ARHGAP29: variants seen among roughly 807,000 people sequenced by gnomAD.
ARHGAP29 encodes rho GTPase-activating protein 29.
Under a neutral mutation model 122.6 loss-of-function variants are expected in ARHGAP29, and 43 were observed. The ratio of observed to expected loss-of-function variants is 0.35; its 90% confidence interval spans 0.27 to 0.45. ARHGAP29 has a LOEUF of 0.45. ARHGAP29 is among the 20% of genes least tolerant of loss of function. The probability of loss-of-function intolerance (pLI) is 1.00; values close to 1 mark genes in which losing one functional copy is unlikely to be tolerated. For synonymous variants in ARHGAP29, 506 were observed against 497.1 expected (o/e 1.02, Z -0.24); for missense variants, 1,303 against 1,477.2 (o/e 0.88, Z 1.93).
intron 2 of ARHGAP29, among the ~76,000 whole-genome samples, chr1:94,223,890 C>A (rs1652468359): frequency 6.6e-6 from 1 of 151,854 alleles, no homozygotes; most frequent in Non-Finnish European, 1.5e-5. Flanking sequence ...TCAGTGCAAC[C>A]TCTGCCTCCC....
rs775384802 is a variant in ARHGAP29, at chr1:94,184,423, T to C, written c.2110-135A>G. 11 of 728,836 alleles carry C rather than the reference T, an allele frequency of 1.5e-5. No homozygotes were observed. In the Admixed American group the frequency reaches 2.0e-4, roughly 13 times the overall value. The allele number at this position is 728,836 out of a possible 1,614,324, so 45.1% of individuals were successfully genotyped here. ...TATTATTATTTTAGAAAAAAACTAT[T>C]CAAGGCCAAATGAAGTAACATTTCC... is the stretch of plus-strand genomic sequence containing the variant. On this transcript the variant is annotated intron_variant, in intron 18 of 22. Coordinates refer to ENST00000260526, the MANE Select transcript of ARHGAP29 (RefSeq NM_004815.4).
chr1:94,223,637 A>G (rs1412630447), intron 2 of ARHGAP29, among the ~76,000 whole-genome samples: 1 of 152,120 alleles, frequency 6.6e-6, no homozygotes, highest in East Asian at 1.9e-4. Flanking sequence ...ATATGTATGT[A>G]TATAGCCAAA....
At chr1:94,271,498 C>T (rs193082865) in intron 1 of ARHGAP29, among the ~76,000 whole-genome samples, 51 of 152,174 alleles carry the variant, frequency 3.4e-4, no homozygotes, top group Admixed American at 9.8e-4. Context: ...TGTTTCTCCC[C>T]GTAAGAGAAG....
At chr1:94,232,263 G>GATT (rs3073818) in intron 1 of ARHGAP29, among the ~76,000 whole-genome samples, 134,200 of 151,920 alleles carry the variant, frequency 0.88, 59,487 homozygotes, top group Non-Finnish European at 0.92. Flanking sequence ...TATCTCATGA[G>GATT]ATTGTAGGGA....
At chr1:94,228,819 T>C (rs1303810518) in intron 2 of ARHGAP29, among the ~76,000 whole-genome samples, 1 of 151,830 alleles carries the variant, frequency 6.6e-6, no homozygotes, top group Non-Finnish European at 1.5e-5. Flanking sequence ...ATTAAACAAC[T>C]GCGGCAAAAG....
At chr1:94,270,988 G>C (rs1654967623) in intron 1 of ARHGAP29, among the ~76,000 whole-genome samples, 1 of 152,172 alleles carries the variant, frequency 6.6e-6, no homozygotes, top group Admixed American at 6.5e-5. Context: ...TCCAGGTGTG[G>C]CTTGGCTGGA....
chr1:94,259,988 C>T (rs1370976643), intron 1 of ARHGAP29, among the ~76,000 whole-genome samples: 1 of 152,152 alleles, frequency 6.6e-6, no homozygotes, highest in Non-Finnish European at 1.5e-5. Context: ...ATGCAAAAGT[C>T]TCTACGGAGT....
At position 94,174,172 on chromosome 1, in the gene ARHGAP29, T is replaced by C; in HGVS notation, c.3483A>G (p.Gln1161=). The change falls in exon 23 of 23, where the codon CAA becomes CAG. Residue 1161 remains glutamine (Q), a synonymous_variant. Transcript: ENST00000260526. The stretch of plus-strand genomic sequence containing the variant: ...GTGGTTTATAAAATGTTGTCCAATG[T>C]TGAGGCTGCAGTGTTCTGGGTGCTC... The part of the protein sequence containing the change: ...PVRAPRTLQP[Q]HWTTFYKPHA... 1 of 1,614,214 alleles carries C rather than the reference T, an allele frequency of 6.2e-7. No individual in the cohort carries two copies. Among genetic ancestry groups the C allele is most frequent in the Middle Eastern group, 1.6e-4 (1 of 6,062 alleles).
chr1:94,309,380 C>A, the ARHGAP29 span, among the ~76,000 whole-genome samples: 1 of 152,300 alleles, frequency 6.6e-6, no homozygotes, highest in African/African-American at 2.4e-5. Flanking sequence ...AACACAGCTG[C>A]CTCCTATCAA....
At chr1:94,265,522 A>G (rs1654736270) in intron 1 of ARHGAP29, among the ~76,000 whole-genome samples, 1 of 152,198 alleles carries the variant, frequency 6.6e-6, no homozygotes, top group Admixed American at 6.5e-5. Flanking sequence ...TACCTTGGGA[A>G]GGAAAGTGGA....
chr1:94,285,094 C>T, the ARHGAP29 span, among the ~76,000 whole-genome samples: 7 of 152,176 alleles, frequency 4.6e-5, no homozygotes, highest in Non-Finnish European at 1.0e-4. Flanking sequence ...AGTGAGGTGT[C>T]ATGGCTGATA....
chr1:94,193,898 C>T (rs1022639678), intron 12 of ARHGAP29: 2 of 152,106 alleles, frequency 1.3e-5, no homozygotes, highest in Non-Finnish European at 2.9e-5. Flanking sequence ...TCCTCTTAAC[C>T]TCTTTATAAT....
Position 94,227,251 on chromosome 1 carries a change from C to T in ARHGAP29, c.205+4156G>A, listed in dbSNP as rs1273089343. On this transcript the variant is annotated intron_variant, in intron 2 of 22. Coordinates refer to ENST00000260526, the MANE Select transcript of ARHGAP29 (RefSeq NM_004815.4). ...AAAAACAATTCATCAGAAGCTATCA[C>T]TTATGAGGTCAGCATTATTTTCTTT... Among the ~76,000 whole-genome samples the T allele has an allele frequency of 2.0e-5, 3 of 151,848 alleles. 1 individual carries two copies. The East Asian group carries it at 5.8e-4, about 29-fold the overall frequency.
At chr1:94,263,496 T>G (rs1328413539) in intron 1 of ARHGAP29, among the ~76,000 whole-genome samples, 1 of 152,168 alleles carries the variant, frequency 6.6e-6, no homozygotes, top group African/African-American at 2.4e-5. Flanking sequence ...CACGTACTCA[T>G]GCATAATTAT....
At chr1:94,272,385 G>T (rs1321969808) in intron 1 of ARHGAP29, among the ~76,000 whole-genome samples, 2 of 152,176 alleles carry the variant, frequency 1.3e-5, no homozygotes, top group African/African-American at 4.8e-5. Flanking sequence ...GTGGAGAAGG[G>T]GATCTGTGAG....
At chr1:94,197,361 G>A (rs1462313423) in intron 12 of ARHGAP29, among the ~76,000 whole-genome samples, 3 of 151,908 alleles carry the variant, frequency 2.0e-5, no homozygotes, top group Admixed American at 6.5e-5. Context: ...CACTGAATAC[G>A]TAGTAAAAAA....
At chr1:94,285,910 A>G in the ARHGAP29 span, among the ~76,000 whole-genome samples, 1 of 151,580 alleles carries the variant, frequency 6.6e-6, no homozygotes, top group Non-Finnish European at 1.5e-5. Context: ...AAAGAACTAC[A>G]TTCAAGCCCC....
intron 1 of ARHGAP29, among the ~76,000 whole-genome samples, chr1:94,262,493 A>G (rs1654600018): frequency 6.6e-6 from 1 of 152,236 alleles, no homozygotes. Context: ...AATGTTTGCA[A>G]GCTATGCATC....
intron 1 of ARHGAP29, among the ~76,000 whole-genome samples, chr1:94,274,715 A>C (rs1655118456): frequency 6.6e-6 from 1 of 152,266 alleles, no homozygotes; most frequent in African/African-American, 2.4e-5. Flanking sequence ...GGCCTCTGGC[A>C]GTACAGGCCA....
Sources: allele counts gnomAD v4.1 joint callset (sites outside exome capture counted in the v4.1 genomes callset), GRCh38; gene constraint gnomAD v4.1.1; transcripts MANE v1.5; gene names NCBI Gene and HGNC (gene_info 2026-07-23, HGNC 2026-07-21).